The following BAZ2B variants were observed in gnomAD, a reference collection of about 807,000 sequenced individuals.
The protein encoded by BAZ2B is bromodomain adjacent to zinc finger domain 2B, also known as bromodomain adjacent to zinc finger domain protein 2B.
Under a neutral mutation model 246.0 loss-of-function variants are expected in BAZ2B, and 91 were observed. The ratio of observed to expected loss-of-function variants is 0.37; its 90% CI spans 0.31 to 0.44. The LOEUF (loss-of-function observed/expected upper bound fraction) is 0.44, where lower values mean the gene tolerates loss of function less well. Among genes scored for constraint, BAZ2B ranks in the 20% least tolerant of loss-of-function variants. BAZ2B has a pLI of 1.00. For missense variants in BAZ2B, 2,332 were observed against 2,533.7 expected, an observed-to-expected ratio of 0.92 and a Z score of 1.71; for synonymous variants, 855 against 860.0, an observed-to-expected ratio of 0.99 and a Z score of 0.10.
At chr2:159,501,149 A>G (rs13018134) in intron 2 of BAZ2B, among the ~76,000 whole-genome samples, 2 of 32,150 alleles carry the variant, frequency 6.2e-5, no homozygotes, top group Non-Finnish European at 1.6e-4. Flanking sequence ...TTATATATAT[A>G]ATATATATAA....
intron 18 of BAZ2B, chr2:159,398,117 C>T (rs1283969381): frequency 6.6e-6 from 1 of 151,996 alleles, no homozygotes; most frequent in South Asian, 2.1e-4. Context: ...AAACAGTTCC[C>T]TGGCTTTACA....
chr2:159,411,857 C>T (rs2066890946), intron 14 of BAZ2B: 3 of 654,848 alleles, frequency 4.6e-6, no homozygotes, highest in South Asian at 6.9e-5. Flanking sequence ...AATATATATA[C>T]TATATCTGGA....
intron 34 of BAZ2B, among the ~76,000 whole-genome samples, chr2:159,327,303 C>T (rs2063853063): frequency 6.6e-6 from 1 of 152,130 alleles, no homozygotes; most frequent in Non-Finnish European, 1.5e-5. Flanking sequence ...TTCATGACCC[C>T]TGCCAGTACC....
chr2:159,596,061 G>T (rs1690628417), intron 1 of BAZ2B, among the ~76,000 whole-genome samples: 1 of 152,108 alleles, frequency 6.6e-6, no homozygotes, highest in Admixed American at 6.5e-5. Context: ...GACTATACCA[G>T]GAGCAACAAT....
At position 159,385,373 on chromosome 2, in the gene BAZ2B, T is replaced by A; in HGVS notation, c.3472-4A>T. On this transcript the variant is annotated splice_polypyrimidine_tract_variant and splice_region_variant and intron_variant, in intron 22 of 36. Coordinates refer to ENST00000392783, the MANE Select transcript of BAZ2B (RefSeq NM_013450.4). ...GTTCTCCAAGAGCTGTTTTAGCCTA[T>A]AAAAGTTTGGCATTTTTATCAGTAT... 1 of 1,610,478 alleles carries A rather than the reference T, an allele frequency of 6.2e-7. No individual in the cohort carries two copies. The highest frequency in any genetic ancestry group is 1.1e-5 in the South Asian group (1 of 90,960).
At chr2:159,401,898 T>C in intron 16 of BAZ2B, among the ~76,000 whole-genome samples, 1 of 152,194 alleles carries the variant, frequency 6.6e-6, no homozygotes, top group African/African-American at 2.4e-5. Context: ...TATCCTAGAA[T>C]TTCCAGTGCC....
intron 2 of BAZ2B, among the ~76,000 whole-genome samples, chr2:159,528,667 G>A (rs1439913207): frequency 6.1e-5 from 9 of 147,642 alleles, no homozygotes; most frequent in Non-Finnish European, 1.0e-4. Context: ...TGGGTGACAA[G>A]CGAAACTCTG....
intron 17 of BAZ2B, 155 bp from the exon 18 acceptor site, chr2:159,399,049 T>A: frequency 1.8e-6 from 1 of 553,798 alleles, no homozygotes; most frequent in Non-Finnish European, 3.0e-6. Flanking sequence ...GTTAACATTA[T>A]GTTTAACGTA....
intron 27 of BAZ2B, among the ~76,000 whole-genome samples, chr2:159,362,850 T>A (rs1438506473): frequency 6.6e-6 from 1 of 152,110 alleles, no homozygotes; most frequent in Non-Finnish European, 1.5e-5. Flanking sequence ...TAGGGTGCAC[T>A]AGAAAGGGTG....
the BAZ2B span, among the ~76,000 whole-genome samples, chr2:159,652,595 A>C: frequency 1.3e-5 from 2 of 152,122 alleles, no homozygotes; most frequent in African/African-American, 2.4e-5. Flanking sequence ...CCTATAATTA[A>C]TGATGTTGAG....
At chr2:159,462,465 C>G in intron 3 of BAZ2B, 1 of 1,112,788 alleles carries the variant, frequency 9.0e-7, no homozygotes, top group Non-Finnish European at 1.4e-6. Context: ...GTGCGGGTAA[C>G]CGGAAGCTGC....
chr2:159,596,974 T>C (rs1690866189), intron 1 of BAZ2B, among the ~76,000 whole-genome samples: 1 of 152,242 alleles, frequency 6.6e-6, no homozygotes, highest in East Asian at 1.9e-4. Flanking sequence ...ATCTCCACAC[T>C]GTTTTCCATA....
In BAZ2B at chr2:159,337,785, A is replaced by G; in HGVS notation, c.5455-13T>C. On this transcript the variant is annotated splice_polypyrimidine_tract_variant and intron_variant, in intron 31 of 36. Coordinates refer to ENST00000392783, the MANE Select transcript of BAZ2B (RefSeq NM_013450.4). Reference sequence around the variant, plus strand: ...GACACATCCAACCCTATATATCAAGAGAATAGTGTTATTATGGTTTCCTCT... The same window carrying G: ...GACACATCCAACCCTATATATCAAGGGAATAGTGTTATTATGGTTTCCTCT... The G allele has an allele frequency of 6.2e-7, 1 of 1,607,140 alleles. No individual in the cohort carries two copies.
At chr2:159,328,249 T>C (rs2064067113) in intron 34 of BAZ2B, among the ~76,000 whole-genome samples, 1 of 152,166 alleles carries the variant, frequency 6.6e-6, no homozygotes, top group Non-Finnish European at 1.5e-5. Context: ...TACTTTGCTC[T>C]TGGGCAGGGC....
At chr2:159,627,131 C>T in the BAZ2B span, among the ~76,000 whole-genome samples, 1 of 152,044 alleles carries the variant, frequency 6.6e-6, no homozygotes, top group South Asian at 2.1e-4. Flanking sequence ...GAAGTTGAAT[C>T]CCTGAATAGA....
intron 20 of BAZ2B, among the ~76,000 whole-genome samples, chr2:159,392,530 G>T (rs1437683432): frequency 6.6e-6 from 1 of 152,052 alleles, no homozygotes; most frequent in Non-Finnish European, 1.5e-5. Flanking sequence ...TTATTCACCT[G>T]TTTCTTCATG....
chr2:159,420,830 T>A (rs2150045077), intron 13 of BAZ2B, among the ~76,000 whole-genome samples: 1 of 152,324 alleles, frequency 6.6e-6, no homozygotes, highest in Non-Finnish European at 1.5e-5. Context: ...TGCCATTTAT[T>A]CAACAATTTT....
chr2:159,557,514 A>G (rs2089326328), intron 1 of BAZ2B, among the ~76,000 whole-genome samples: 1 of 152,008 alleles, frequency 6.6e-6, no homozygotes, highest in South Asian at 2.1e-4. Flanking sequence ...AATTTGTTCC[A>G]CTTCAGGGCC....
the BAZ2B span, among the ~76,000 whole-genome samples, chr2:159,625,116 G>C: frequency 6.6e-6 from 1 of 151,942 alleles, no homozygotes; most frequent in Non-Finnish European, 1.5e-5. Flanking sequence ...AAAGCGAGAA[G>C]ACAAGATTAG....
Sources: gnomAD v4.1 joint callset for allele counts (sites outside exome capture counted in the v4.1 genomes callset) on GRCh38, gnomAD v4.1.1 for gene constraint, MANE v1.5 for transcripts, NCBI Gene and HGNC (gene_info 2026-07-23, HGNC 2026-07-21) for gene names.